The following SNX24 variants were observed in gnomAD, a reference collection of about 807,000 sequenced individuals.
SNX24 encodes sorting nexin 24.
A neutral mutation model predicts 28.7 loss-of-function variants in SNX24; 22 were observed. That is an observed-to-expected ratio of 0.77 (90% CI 0.55 to 1.10). The LOEUF is 1.10. Among genes scored for constraint, SNX24 ranks in the 50% least tolerant of loss-of-function variants. The pLI is 0.00. For missense variants in SNX24, 221 were observed against 201.1 expected, an observed-to-expected ratio of 1.10 and a Z score of -0.60; for synonymous variants, 69 against 71.5, an observed-to-expected ratio of 0.96 and a Z score of 0.18.
intron 1 of SNX24, among the ~76,000 whole-genome samples, chr5:122,919,734 G>A (rs1207996267): frequency 6.6e-6 from 1 of 152,196 alleles, no homozygotes; most frequent in African/African-American, 2.4e-5. Flanking sequence ...GAGACAGTGT[G>A]TTTTTGCACA....
intron 3 of SNX24, among the ~76,000 whole-genome samples, chr5:122,949,566 G>GT (rs1407682910): frequency 2.6e-5 from 4 of 152,076 alleles, no homozygotes; most frequent in Non-Finnish European, 4.4e-5. Context: ...TTATGGATAG[G>GT]TTCTAATCAG....
chr5:122,915,058 G>A (rs1561589193), intron 1 of SNX24, among the ~76,000 whole-genome samples: 1 of 152,066 alleles, frequency 6.6e-6, no homozygotes, highest in African/African-American at 2.4e-5. Flanking sequence ...AGATTTCAGG[G>A]TTTTTTTAGA....
chr5:122,938,435 A>G (rs186886154), intron 2 of SNX24, among the ~76,000 whole-genome samples: 1 of 152,358 alleles, frequency 6.6e-6, no homozygotes, highest in East Asian at 1.9e-4. Flanking sequence ...AGAAATTCAC[A>G]AATCTCTCAA....
At chr5:122,996,117 T>C (rs1762044844) in intron 3 of SNX24, among the ~76,000 whole-genome samples, 1 of 152,194 alleles carries the variant, frequency 6.6e-6, no homozygotes, top group Non-Finnish European at 1.5e-5. Context: ...GAAAGAATCC[T>C]TTACCACAGT....
At chr5:122,869,223 T>G (rs1755869264) in intron 1 of SNX24, among the ~76,000 whole-genome samples, 1 of 152,244 alleles carries the variant, frequency 6.6e-6, no homozygotes, top group Non-Finnish European at 1.5e-5. Context: ...AATGCAACAG[T>G]TGTTCATAAT....
intron 3 of SNX24, among the ~76,000 whole-genome samples, chr5:122,980,677 G>T (rs1477747123): frequency 6.6e-6 from 1 of 150,554 alleles, no homozygotes; most frequent in Non-Finnish European, 1.5e-5. Context: ...GCTCAGTCGG[G>T]TGTGTGCCTT....
chr5:123,000,696 T>C (rs1762215995), intron 4 of SNX24, among the ~76,000 whole-genome samples: 1 of 152,202 alleles, frequency 6.6e-6, no homozygotes. Context: ...AATAAGCCAC[T>C]GGCCCAGCAA....
At chr5:123,025,787 C>T in intron 5 of SNX24, 1 of 1,611,898 alleles carries the variant, frequency 6.2e-7, no homozygotes, top group Non-Finnish European at 8.5e-7. Flanking sequence ...AATTTACCAT[C>T]CCATCAATGA....
intron 1 of SNX24, among the ~76,000 whole-genome samples, chr5:122,880,964 C>T (rs1756453376): frequency 6.6e-6 from 1 of 152,330 alleles, no homozygotes; most frequent in South Asian, 2.1e-4. Flanking sequence ...TGGGCCTGCC[C>T]CCAAAGCCCT....
intron 3 of SNX24, among the ~76,000 whole-genome samples, chr5:122,992,319 T>C (rs1478415): frequency 0.36 from 54,528 of 151,862 alleles, 10,456 homozygotes; most frequent in African/African-American, 0.47. Flanking sequence ...TACAGTGAGA[T>C]ACCCCATCTA....
intron 1 of SNX24, among the ~76,000 whole-genome samples, chr5:122,897,820 A>G (rs1015125511): frequency 6.6e-6 from 1 of 152,206 alleles, no homozygotes; most frequent in Admixed American, 6.5e-5. Flanking sequence ...CAGTAATATT[A>G]GTGGAACTTA....
chr5:122,974,037 G>A (rs1761064190), intron 3 of SNX24, among the ~76,000 whole-genome samples: 1 of 152,136 alleles, frequency 6.6e-6, no homozygotes, highest in Admixed American at 6.5e-5. Context: ...CAGCCTTTTG[G>A]GTCACTCAAT....
At chr5:122,990,612 A>G (rs1271071860) in intron 3 of SNX24, among the ~76,000 whole-genome samples, 1 of 152,186 alleles carries the variant, frequency 6.6e-6, no homozygotes, top group Non-Finnish European at 1.5e-5. Context: ...ATCAACACAT[A>G]TGGGCTGTGC....
intron 1 of SNX24, among the ~76,000 whole-genome samples, chr5:122,855,934 A>G (rs1755168968): frequency 1.3e-5 from 2 of 152,174 alleles, no homozygotes; most frequent in South Asian, 4.1e-4. Flanking sequence ...GCCCAAACAC[A>G]CAACATTTGT....
intron 3 of SNX24, among the ~76,000 whole-genome samples, chr5:122,954,304 A>G (rs1433832200): frequency 1.3e-5 from 2 of 151,962 alleles, no homozygotes; most frequent in East Asian, 3.8e-4. Context: ...TAGTAGGTGT[A>G]TATATTTATG....
chr5:122,915,257 T>C (rs1349154627), intron 1 of SNX24, among the ~76,000 whole-genome samples: 2 of 152,186 alleles, frequency 1.3e-5, no homozygotes, highest in Admixed American at 6.5e-5. Flanking sequence ...CTCACCCTGG[T>C]CTGCTGTAGT....
chr5:122,997,088 T>C (rs1049915628), intron 3 of SNX24, among the ~76,000 whole-genome samples: 5 of 152,240 alleles, frequency 3.3e-5, no homozygotes, highest in Non-Finnish European at 7.3e-5. Context: ...AATTCCTCTT[T>C]TGTATCTCTG....
chr5:122,892,863 G>C (rs1648406276), intron 1 of SNX24, among the ~76,000 whole-genome samples: 1 of 151,818 alleles, frequency 6.6e-6, no homozygotes, highest in South Asian at 2.1e-4. Context: ...CTGCCTCCCA[G>C]GTTCAAGCTA....
At chr5:123,012,644 A>G (rs1217582635), downstream of SNX24, among the ~76,000 whole-genome samples, 4 of 152,198 alleles carry the variant, frequency 2.6e-5, no homozygotes, top group South Asian at 4.1e-4. Context: ...AATGGTTAAA[A>G]TAAATTTTAT....
Sources: allele counts gnomAD v4.1 joint callset (sites outside exome capture counted in the v4.1 genomes callset), GRCh38; gene constraint gnomAD v4.1.1; transcripts MANE v1.5; gene names NCBI Gene and HGNC (gene_info 2026-07-23, HGNC 2026-07-21).